The following KLRG2 variants were observed in gnomAD, a reference collection of about 807,000 sequenced individuals.
KLRG2 encodes killer cell lectin like receptor G2.
KLRG2 carries 39 observed loss-of-function variants against 35.4 expected under a neutral mutation model. The observed-to-expected ratio is 1.10, with a 90% CI of 0.85 to 1.44. KLRG2 has a LOEUF of 1.44. Among genes scored for constraint, KLRG2 ranks in the 40% most tolerant of loss-of-function variants. KLRG2 has a pLI of 0.00. For synonymous variants in KLRG2, 283 were observed against 265.8 expected (o/e 1.06, Z -0.63); for missense variants, 632 against 570.9 (o/e 1.11, Z -1.09).
intron 3 of KLRG2, among the ~76,000 whole-genome samples, chr7:139,473,921 C>T (rs577999393): frequency 3.4e-4 from 51 of 151,696 alleles, no homozygotes; most frequent in Non-Finnish European, 3.8e-4. Flanking sequence ...TATTAAATTT[C>T]GGAACACTGA....
At chr7:139,458,962 C>G (rs1311402783) in intron 3 of KLRG2, among the ~76,000 whole-genome samples, 2 of 152,208 alleles carry the variant, frequency 1.3e-5, no homozygotes, top group Non-Finnish European at 2.9e-5. Flanking sequence ...CCTGCAGGAG[C>G]TTCCGGTCCT....
downstream of KLRG2, among the ~76,000 whole-genome samples, chr7:139,447,867 G>A (rs1235116098): frequency 6.6e-6 from 1 of 152,174 alleles, no homozygotes; most frequent in Non-Finnish European, 1.5e-5. Flanking sequence ...AATGGCTTCT[G>A]AAACAACCTG....
At chr7:139,454,715 C>T (rs1796430029) in intron 3 of KLRG2, among the ~76,000 whole-genome samples, 1 of 151,438 alleles carries the variant, frequency 6.6e-6, no homozygotes, top group African/African-American at 2.4e-5. Flanking sequence ...ACTTGGGAGG[C>T]TGAAACAGGA....
the KLRG2 span, among the ~76,000 whole-genome samples, chr7:139,434,706 C>T: frequency 6.6e-6 from 1 of 152,178 alleles, no homozygotes; most frequent in Non-Finnish European, 1.5e-5. Context: ...CAGGGGAAGT[C>T]AAAGAATCCG....
intron 3 of KLRG2, among the ~76,000 whole-genome samples, chr7:139,459,300 A>G (rs935723766): frequency 1.3e-5 from 2 of 152,146 alleles, no homozygotes; most frequent in African/African-American, 2.4e-5. Context: ...GCTGTGCTCA[A>G]TCTGTCTGTC....
At chr7:139,473,745 G>A (rs1033865114) in intron 3 of KLRG2, among the ~76,000 whole-genome samples, 5 of 152,088 alleles carry the variant, frequency 3.3e-5, no homozygotes, top group Non-Finnish European at 7.3e-5. Context: ...AGGCAGAGGT[G>A]GGCAGATCAC....
the KLRG2 span, among the ~76,000 whole-genome samples, chr7:139,433,941 C>T: frequency 2.6e-5 from 4 of 152,054 alleles, no homozygotes; most frequent in East Asian, 3.9e-4. Flanking sequence ...CCCAGCATCA[C>T]GCCCAGCATC....
chr7:139,479,595 G>GTA (rs1569416690), intron 3 of KLRG2, 32 bp downstream of exon 3: 1 of 1,600,058 alleles, frequency 6.2e-7, no homozygotes, highest in Admixed American at 1.7e-5. Flanking sequence ...AGAAAGATCT[G>GTA]TACCCCCTTA....
the KLRG2 span, among the ~76,000 whole-genome samples, chr7:139,445,793 G>GTATATATATATATATATA: frequency 2.8e-3 from 267 of 94,300 alleles, 6 homozygotes; most frequent in Middle Eastern, 0.011. Flanking sequence ...ATATATATAT[G>GTATATATATATATATATA]TGTGTATATA....
intron 3 of KLRG2, among the ~76,000 whole-genome samples, chr7:139,465,222 C>T (rs1796631098): frequency 6.6e-6 from 1 of 152,216 alleles, no homozygotes; most frequent in African/African-American, 2.4e-5. Flanking sequence ...TCACTCGAGC[C>T]CTTGCTCTTG....
At chr7:139,439,954 A>T in the KLRG2 span, among the ~76,000 whole-genome samples, 1 of 152,222 alleles carries the variant, frequency 6.6e-6, no homozygotes, top group East Asian at 1.9e-4. Flanking sequence ...AAACCAAGGC[A>T]TGAGCAGGGC....
At chr7:139,466,645 T>C (rs543161132) in intron 3 of KLRG2, among the ~76,000 whole-genome samples, 1 of 152,246 alleles carries the variant, frequency 6.6e-6, no homozygotes, top group South Asian at 2.1e-4. Flanking sequence ...AGTCACTCTC[T>C]CCTAGCCGTT....
At chr7:139,445,398 T>G in the KLRG2 span, among the ~76,000 whole-genome samples, 2 of 151,984 alleles carry the variant, frequency 1.3e-5, no homozygotes, top group Non-Finnish European at 2.9e-5. Context: ...GCACCAAGGG[T>G]GTATTCATGC....
chr7:139,432,554 C>CG, the KLRG2 span, among the ~76,000 whole-genome samples: 1 of 150,074 alleles, frequency 6.7e-6, no homozygotes, highest in African/African-American at 2.5e-5. Flanking sequence ...ACCCCCCCCC[C>CG]CCAATATTTT....
intron 3 of KLRG2, among the ~76,000 whole-genome samples, chr7:139,470,932 T>C (rs1010334762): frequency 1.3e-5 from 2 of 151,728 alleles, no homozygotes; most frequent in African/African-American, 4.8e-5. Context: ...AACCCCTGTC[T>C]CCCAGGTTAA....
At chr7:139,478,951 G>A (rs12533254) in intron 3 of KLRG2, among the ~76,000 whole-genome samples, 9,895 of 152,080 alleles carry the variant, frequency 0.065, 631 homozygotes, top group East Asian at 0.38. Flanking sequence ...TTGGCTGTGC[G>A]CAGTGGCTCA....
At chr7:139,443,094 C>CTTTTTT in the KLRG2 span, among the ~76,000 whole-genome samples, 98 of 120,554 alleles carry the variant, frequency 8.1e-4, 6 homozygotes, top group East Asian at 8.5e-3. Flanking sequence ...GGAAAAAAAA[C>CTTTTTT]TTTTTTTTTT....
the KLRG2 span, among the ~76,000 whole-genome samples, chr7:139,431,950 T>TG: frequency 2.0e-5 from 3 of 152,162 alleles, no homozygotes; most frequent in East Asian, 5.8e-4. Flanking sequence ...CAGACTCTTG[T>TG]GGACCTTTTA....
intron 3 of KLRG2, among the ~76,000 whole-genome samples, chr7:139,454,841 AATAATAAT>A (rs1585161881): frequency 7.4e-6 from 1 of 135,776 alleles, no homozygotes; most frequent in East Asian, 2.0e-4. Context: ...TAATAATAAT[AATAATAAT>A]AATAATAATA....
Sources: gnomAD v4.1 joint callset for allele counts (sites outside exome capture counted in the v4.1 genomes callset) on GRCh38, gnomAD v4.1.1 for gene constraint, MANE v1.5 for transcripts, NCBI Gene and HGNC (gene_info 2026-07-23, HGNC 2026-07-21) for gene names.